The following SOX5 variants were observed in gnomAD, a reference collection of about 807,000 sequenced individuals.
SOX5 encodes SRY-box transcription factor 5, also known as transcription factor SOX-5.
In SOX5, 9 loss-of-function variants were observed where a neutral mutation model predicts 92.0. That is an observed-to-expected ratio of 0.10 (90% CI 0.06 to 0.17). The LOEUF (loss-of-function observed/expected upper bound fraction) is 0.17. SOX5 is among the 10% of genes least tolerant of loss of function. The probability of loss-of-function intolerance (pLI) is 1.00; values close to 1 mark genes in which losing one functional copy is unlikely to be tolerated. For synonymous variants in SOX5, 344 were observed against 336.3 expected (o/e 1.02, Z -0.25); for missense variants, 642 against 944.5 (o/e 0.68, Z 4.20).
At chr12:23,561,118 G>A (rs985206230) in intron 11 of SOX5, among the ~76,000 whole-genome samples, 3 of 152,110 alleles carry the variant, frequency 2.0e-5, no homozygotes, top group African/African-American at 7.2e-5. Flanking sequence ...TGAGAACAGA[G>A]ACATCTTAAC....
chr12:24,263,457 G>A (rs1370289342), intron 3 of SOX5, among the ~76,000 whole-genome samples: 1 of 149,216 alleles, frequency 6.7e-6, no homozygotes, highest in Non-Finnish European at 1.5e-5. Flanking sequence ...GAACCCAGAG[G>A]GCGGAGCTTG....
At chr12:24,002,721 T>C (rs1258331906) in intron 4 of SOX5, among the ~76,000 whole-genome samples, 1 of 152,070 alleles carries the variant, frequency 6.6e-6, no homozygotes, top group East Asian at 1.9e-4. Context: ...CAGCACCAGA[T>C]AGCTTCACTG....
intron 4 of SOX5, among the ~76,000 whole-genome samples, chr12:24,188,722 G>A (rs946086163): frequency 6.6e-6 from 1 of 152,154 alleles, no homozygotes; most frequent in East Asian, 1.9e-4. Flanking sequence ...CATTCAGTAG[G>A]TCATTCAGGG....
chr12:23,877,639 G>C (rs2096942067), intron 2 of SOX5, among the ~76,000 whole-genome samples: 1 of 152,112 alleles, frequency 6.6e-6, no homozygotes, highest in Non-Finnish European at 1.5e-5. Context: ...CTGAACTACA[G>C]AACTGACTTC....
chr12:23,697,757 C>T (rs1046055507), intron 6 of SOX5, among the ~76,000 whole-genome samples: 1 of 151,944 alleles, frequency 6.6e-6, no homozygotes, highest in African/African-American at 2.4e-5. Flanking sequence ...CATCACATTG[C>T]CCAGGCTGGC....
intron 1 of SOX5, among the ~76,000 whole-genome samples, chr12:24,555,939 A>G (rs1273635511): frequency 6.6e-6 from 1 of 152,220 alleles, no homozygotes; most frequent in Admixed American, 6.5e-5. Flanking sequence ...CACGGAGGCC[A>G]TGCTTCCTGT....
intron 4 of SOX5, among the ~76,000 whole-genome samples, chr12:24,177,200 C>T (rs1045382853): frequency 6.6e-6 from 1 of 152,114 alleles, no homozygotes; most frequent in African/African-American, 2.4e-5. Context: ...GGTGCTATTA[C>T]TACCTGCATT....
intron 2 of SOX5, among the ~76,000 whole-genome samples, chr12:23,895,479 C>T (rs927788157): frequency 3.3e-5 from 5 of 151,918 alleles, no homozygotes; most frequent in Non-Finnish European, 7.4e-5. Context: ...AGTATGACAC[C>T]AAATTTTCAT....
At chr12:24,034,510 C>A (rs889743640) in intron 4 of SOX5, among the ~76,000 whole-genome samples, 3 of 151,680 alleles carry the variant, frequency 2.0e-5, no homozygotes, top group Admixed American at 1.3e-4. Flanking sequence ...ATAACTATTT[C>A]ACTTCTCAAA....
At chr12:24,083,280 T>A (rs1943582956) in intron 4 of SOX5, among the ~76,000 whole-genome samples, 1 of 152,044 alleles carries the variant, frequency 6.6e-6, no homozygotes, top group Non-Finnish European at 1.5e-5. Flanking sequence ...ATAGTGACTA[T>A]TTCATCAGTT....
chr12:23,931,976 T>C (rs970391282), intron 1 of SOX5, among the ~76,000 whole-genome samples: 69 of 151,368 alleles, frequency 4.6e-4, no homozygotes, highest in African/African-American at 1.6e-3. Context: ...TCAACAAGGG[T>C]CAGTTAAACT....
At chr12:23,664,957 T>C (rs2083572664) in intron 7 of SOX5, among the ~76,000 whole-genome samples, 1 of 152,160 alleles carries the variant, frequency 6.6e-6, no homozygotes, top group East Asian at 1.9e-4. Context: ...CACTTCACAA[T>C]ATGAAGGAGA....
Position 24,107,087 on chromosome 12 carries a change from C to T in SOX5, c.-2+106256G>A, listed in dbSNP as rs541067540. On this transcript the variant is annotated intron_variant, in intron 4 of 4. Transcript: ENST00000446891. ...GCATTTCATCATTTATACTATTCCT[C>T]TGGCACTGTGCCTAAATCTGTTACT... Among the ~76,000 whole-genome samples, 3 of 152,178 alleles carry T rather than the reference C, an allele frequency of 2.0e-5. No homozygotes were observed. The South Asian group carries it at 6.2e-4, about 32-fold the overall frequency.
chr12:24,437,621 T>C (rs545831290), intron 1 of SOX5, among the ~76,000 whole-genome samples: 25 of 152,034 alleles, frequency 1.6e-4, no homozygotes, highest in Middle Eastern at 3.4e-3. Flanking sequence ...AAAAAGTGGG[T>C]GAAGGATATG....
intron 8 of SOX5, among the ~76,000 whole-genome samples, chr12:23,610,623 T>C (rs1183837710): frequency 6.6e-6 from 1 of 152,030 alleles, no homozygotes; most frequent in East Asian, 1.9e-4. Flanking sequence ...ATTTTTAAAA[T>C]CCAAAATGAA....
At chr12:23,638,114 A>T (rs1218286588) in intron 8 of SOX5, 1 of 152,148 alleles carries the variant, frequency 6.6e-6, no homozygotes, top group Non-Finnish European at 1.5e-5. Context: ...AGACCTGGCC[A>T]CCCCTCTCTT....
chr12:24,555,607 T>A (rs1049377185), intron 1 of SOX5, among the ~76,000 whole-genome samples: 2 of 152,162 alleles, frequency 1.3e-5, no homozygotes, highest in African/African-American at 4.8e-5. Flanking sequence ...TTAGAGATGA[T>A]CTCGTATAAC....
intron 1 of SOX5, among the ~76,000 whole-genome samples, chr12:24,455,171 C>T (rs1942854362): frequency 6.6e-6 from 1 of 152,140 alleles, no homozygotes; most frequent in African/African-American, 2.4e-5. Context: ...GGGTCGCAGC[C>T]CACAGGGTTA....
intron 2 of SOX5, among the ~76,000 whole-genome samples, chr12:23,854,811 T>C (rs1195346038): frequency 6.6e-6 from 1 of 152,064 alleles, no homozygotes; most frequent in Non-Finnish European, 1.5e-5. Context: ...AATTTTCTCA[T>C]CTGCAAAATG....
Sources: gnomAD v4.1 joint callset for allele counts (sites outside exome capture counted in the v4.1 genomes callset) on GRCh38, gnomAD v4.1.1 for gene constraint, MANE v1.5 for transcripts, NCBI Gene and HGNC (gene_info 2026-07-23, HGNC 2026-07-21) for gene names.